Variants in TSNARE1 observed in about 807,000 individuals in gnomAD.
TSNARE1 encodes t-SNARE domain-containing protein 1.
TSNARE1 carries 49 observed loss-of-function variants against 62.0 expected under a neutral mutation model. That is an observed-to-expected ratio of 0.79 (90% CI 0.63 to 1.00). The LOEUF (loss-of-function observed/expected upper bound fraction) is 1.00, where lower values mean the gene tolerates loss of function less well. TSNARE1 is among the 50% of genes least tolerant of loss of function. TSNARE1 has a pLI of 0.00. For missense variants in TSNARE1, 755 were observed against 700.1 expected (o/e 1.08, Z -0.88); for synonymous variants, 328 against 294.4 (o/e 1.11, Z -1.17).
chr8:142,343,804 GGAGGAGGAGGGGA>G (rs1554667219), intron 4 of TSNARE1, among the ~76,000 whole-genome samples, 149 bp downstream of exon 4: 8 of 71,106 alleles, frequency 1.1e-4, no homozygotes, highest in African/African-American at 2.8e-4. Context: ...AGGGGGAGGA[GGAGGAGGAGGGGA>G]GAGGAGGAGG....
At chr8:142,327,655 G>A (rs369671515) in intron 6 of TSNARE1, among the ~76,000 whole-genome samples, 5 of 152,328 alleles carry the variant, frequency 3.3e-5, no homozygotes, top group African/African-American at 7.2e-5. Flanking sequence ...GGGATGAACC[G>A]CACACATGGA....
At chr8:142,295,156 G>A (rs958664066) in intron 10 of TSNARE1, among the ~76,000 whole-genome samples, 5 of 152,148 alleles carry the variant, frequency 3.3e-5, no homozygotes, top group East Asian at 3.9e-4. Context: ...TCTCCCACCC[G>A]AGCAACCCAT....
At chr8:142,333,428 T>A (rs1831334659) in intron 4 of TSNARE1, among the ~76,000 whole-genome samples, 1 of 152,186 alleles carries the variant, frequency 6.6e-6, no homozygotes, top group African/African-American at 2.4e-5. Context: ...CATATTAAAA[T>A]TTTTAAATAA....
intron 9 of TSNARE1, among the ~76,000 whole-genome samples, chr8:142,301,660 TTG>T (rs931222494): frequency 5.3e-5 from 8 of 151,926 alleles, no homozygotes; most frequent in Non-Finnish European, 8.8e-5. Context: ...CCATGTGACA[TTG>T]TGTGTGTGTG....
intron 13 of TSNARE1, among the ~76,000 whole-genome samples, chr8:142,228,000 G>A (rs935253109): frequency 6.6e-6 from 1 of 152,166 alleles, no homozygotes; most frequent in African/African-American, 2.4e-5. Flanking sequence ...CTGTTCCCTT[G>A]CCAGCCTTCC....
intron 3 of TSNARE1, among the ~76,000 whole-genome samples, chr8:142,345,473 C>T (rs1833226340): frequency 6.6e-6 from 1 of 152,222 alleles, no homozygotes; most frequent in South Asian, 2.1e-4. Flanking sequence ...TCCAGAGCCC[C>T]CAGCGGGAGC....
In TSNARE1 at chr8:142,280,226, G is replaced by A. The variant is rs190357861; in HGVS notation, c.1363+4187C>T. The A allele has an allele frequency of 3.9e-3, 3,804 of 985,378 alleles. 6 individuals carry two copies. Among genetic ancestry groups the A allele is most frequent in the Middle Eastern group, 5.8e-3 (11 of 1,912 alleles). 61.0% of individuals were successfully genotyped at this position (985,378 alleles called of 1,614,324 possible). On this transcript the variant is annotated intron_variant, in intron 11 of 13. Transcript: ENST00000524325. Reference sequence around the variant, plus strand: ...TTGGTGCGGGAGTGGGGGCCCGGCCGCAGGGGTGTGGAGCCCGGCCCGGCA... The same window carrying A: ...TTGGTGCGGGAGTGGGGGCCCGGCCACAGGGGTGTGGAGCCCGGCCCGGCA...
intron 4 of TSNARE1, among the ~76,000 whole-genome samples, chr8:142,342,506 G>A (rs965981487): frequency 6.6e-6 from 1 of 152,088 alleles, no homozygotes; most frequent in East Asian, 1.9e-4. Context: ...ATCCAGTCCC[G>A]GGGCAGGGCA....
chr8:142,369,181 G>T (rs552873865), intron 1 of TSNARE1, among the ~76,000 whole-genome samples: 2 of 152,200 alleles, frequency 1.3e-5, no homozygotes, highest in Non-Finnish European at 2.9e-5. Context: ...ATGAGCACAG[G>T]AGGAAGCCCA....
intron 9 of TSNARE1, among the ~76,000 whole-genome samples, chr8:142,303,105 G>C (rs953443838): frequency 2.0e-5 from 3 of 152,170 alleles, no homozygotes; most frequent in Non-Finnish European, 4.4e-5. Flanking sequence ...CTCCCCCAGC[G>C]CTCGGGGACT....
intron 5 of TSNARE1, 107 bp downstream of exon 5, chr8:142,331,647 A>G: frequency 9.1e-7 from 1 of 1,101,802 alleles, no homozygotes; most frequent in South Asian, 1.4e-5. Flanking sequence ...ACTGCACCGC[A>G]GGATGGCCTG....
chr8:142,244,321 T>G (rs1437998591), intron 12 of TSNARE1, among the ~76,000 whole-genome samples: 1 of 152,242 alleles, frequency 6.6e-6, no homozygotes, highest in Non-Finnish European at 1.5e-5. Context: ...CACACATTTC[T>G]ATATATCAGC....
upstream of TSNARE1, chr8:142,403,679 G>A (rs1441258163): frequency 6.6e-6 from 1 of 152,226 alleles, no homozygotes; most frequent in African/African-American, 2.4e-5. Flanking sequence ...GGCAGGCCCC[G>A]CGGGGACTCC....
At chr8:142,377,859 A>G (rs1395739461) in intron 1 of TSNARE1, among the ~76,000 whole-genome samples, 1 of 152,252 alleles carries the variant, frequency 6.6e-6, no homozygotes, top group East Asian at 1.9e-4. Flanking sequence ...TAATAAATAA[A>G]TAACAAACCA....
rs567522991 is a variant in TSNARE1, at chr8:142,309,613, T to C, written c.1131+4771A>G. Among the ~76,000 whole-genome samples, 5 of 152,364 alleles carry C rather than the reference T, an allele frequency of 3.3e-5. No homozygotes were observed. The East Asian group carries it at 7.7e-4, about 23-fold the overall frequency. ...CATCCCTACAATAAAGCCCACTTTA[T>C]AATGATGGATCATCCTTTCACAGAT... On this transcript the variant is annotated intron_variant, in intron 9 of 13. Coordinates refer to ENST00000524325, the MANE Select transcript of TSNARE1 (RefSeq NM_145003.5).
At chr8:142,317,288 G>A (rs13252038) in intron 7 of TSNARE1, among the ~76,000 whole-genome samples, 25,722 of 79,878 alleles carry the variant, frequency 0.32, 5,583 homozygotes, top group African/African-American at 0.56. Context: ...CACTGTACGC[G>A]TGAAGCGGGT....
chr8:142,275,202 C>T, intron 11 of TSNARE1: 1 of 985,412 alleles, frequency 1.0e-6, no homozygotes, highest in Non-Finnish European at 1.2e-6. Context: ...ATGACCTTGC[C>T]TGGGCCAGCC....
chr8:142,371,702 C>A (rs1236428887), intron 1 of TSNARE1, among the ~76,000 whole-genome samples: 1 of 152,116 alleles, frequency 6.6e-6, no homozygotes, highest in Non-Finnish European at 1.5e-5. Flanking sequence ...ACACCTGCAA[C>A]AATTTGTCAG....
At chr8:142,240,790 A>G (rs1318293740) in intron 12 of TSNARE1, among the ~76,000 whole-genome samples, 1 of 152,266 alleles carries the variant, frequency 6.6e-6, no homozygotes, top group African/African-American at 2.4e-5. Context: ...TCTAAACTGA[A>G]CAATAATGGA....
Sources: allele counts gnomAD v4.1 joint callset (sites outside exome capture counted in the v4.1 genomes callset), GRCh38; gene constraint gnomAD v4.1.1; transcripts MANE v1.5; gene names NCBI Gene and HGNC (gene_info 2026-07-23, HGNC 2026-07-21).